Variants in PRIM2 observed in about 807,000 individuals in gnomAD.
PRIM2 encodes DNA primase subunit 2.
PRIM2 carries 39 observed loss-of-function variants against 67.3 expected under a neutral mutation model. The ratio of observed to expected loss-of-function variants is 0.58; its 90% confidence interval spans 0.45 to 0.76. The LOEUF is 0.76. Among genes scored for constraint, PRIM2 ranks in the 30% least tolerant of loss-of-function variants. The probability of loss-of-function intolerance (pLI) is 0.00; values close to 1 mark genes in which losing one functional copy is unlikely to be tolerated. For missense variants in PRIM2, 398 were observed against 598.7 expected, an observed-to-expected ratio of 0.66 and a Z score of 3.50; for synonymous variants, 143 against 198.7, an observed-to-expected ratio of 0.72 and a Z score of 2.36.
At chr6:57,226,462 G>A in the PRIM2 span, among the ~76,000 whole-genome samples, 39 of 152,328 alleles carry the variant, frequency 2.6e-4, no homozygotes, top group African/African-American at 8.9e-4. Context: ...AATTGAAAGG[G>A]AGCCAGTGTG....
the PRIM2 span, among the ~76,000 whole-genome samples, chr6:57,301,427 C>T: frequency 2.0e-5 from 3 of 152,236 alleles, no homozygotes; most frequent in South Asian, 2.1e-4. Context: ...GCGGAGGTTG[C>T]GGTGAGCCAA....
chr6:57,528,138 T>C (rs1774802191), intron 8 of PRIM2, among the ~76,000 whole-genome samples: 2 of 151,718 alleles, frequency 1.3e-5, no homozygotes, highest in African/African-American at 4.8e-5. Flanking sequence ...TAATTTTTTT[T>C]TTTTTTTTTA....
intron 5 of PRIM2, among the ~76,000 whole-genome samples, chr6:57,371,939 G>A (rs1411802577): frequency 6.6e-6 from 1 of 152,240 alleles, no homozygotes; most frequent in Non-Finnish European, 1.5e-5. Context: ...AGTCAATTAA[G>A]TAGAAAAGTT....
chr6:57,289,133 A>G, the PRIM2 span, among the ~76,000 whole-genome samples: 3 of 152,220 alleles, frequency 2.0e-5, no homozygotes, highest in Admixed American at 1.3e-4. Context: ...GCTGAAAACC[A>G]CAGCACGAGA....
chr6:57,431,855 T>G (rs1360275581), intron 7 of PRIM2, among the ~76,000 whole-genome samples: 1 of 152,168 alleles, frequency 6.6e-6, no homozygotes, highest in Admixed American at 6.6e-5. Flanking sequence ...TGTTTCATTC[T>G]TATGAGATTC....
chr6:57,491,328 G>T (rs1554345949), intron 7 of PRIM2, among the ~76,000 whole-genome samples: 4 of 152,136 alleles, frequency 2.6e-5, no homozygotes, highest in African/African-American at 4.8e-5. Flanking sequence ...ACTTGCAAAA[G>T]AAATTTATGA....
chr6:57,361,772 T>G (rs1769209421), intron 5 of PRIM2, among the ~76,000 whole-genome samples: 3 of 152,160 alleles, frequency 2.0e-5, no homozygotes, highest in African/African-American at 7.2e-5. Flanking sequence ...TTGTGTTGTA[T>G]GTTATGGAAG....
At chr6:57,330,072 T>C (rs958776063) in intron 5 of PRIM2, among the ~76,000 whole-genome samples, 4 of 152,222 alleles carry the variant, frequency 2.6e-5, no homozygotes, top group Admixed American at 1.3e-4. Flanking sequence ...TGGGATTACA[T>C]TGAATCTGTA....
rs1769100859 is a variant in PRIM2 at position 57,358,444 on chromosome 6, A to G, written c.460-21457A>G. Among the ~76,000 whole-genome samples the G allele has an allele frequency of 2.6e-5, 4 of 152,280 alleles. No individual in the cohort carries two copies. In the South Asian group the frequency reaches 6.2e-4, roughly 24 times the overall value. On this transcript the variant is annotated intron_variant, in intron 5 of 13. Coordinates refer to ENST00000615550, the MANE Select transcript of PRIM2 (RefSeq NM_000947.5). ...GTGTGTGGTGTATCTCTAAAGTTCA[A>G]AATCCTTCAAGAAGGTTGCTGGTGT...
the PRIM2 span, among the ~76,000 whole-genome samples, chr6:57,242,995 C>T: frequency 1.3e-5 from 2 of 152,294 alleles, no homozygotes; most frequent in Admixed American, 6.5e-5. Context: ...TTCTCCAATT[C>T]GATATCAACT....
intron 5 of PRIM2, among the ~76,000 whole-genome samples, chr6:57,337,155 G>A (rs1768282185): frequency 6.6e-6 from 1 of 152,156 alleles, no homozygotes. Flanking sequence ...AATAAGAAGA[G>A]CTAACTATCC....
upstream of PRIM2, among the ~76,000 whole-genome samples, chr6:57,311,040 A>C (rs1391020519): frequency 8.7e-5 from 12 of 137,190 alleles, no homozygotes; most frequent in Admixed American, 8.9e-4. Context: ...GACACCCGTC[A>C]CCTCCCAGAC....
intron 13 of PRIM2, among the ~76,000 whole-genome samples, chr6:57,639,224 A>C (rs1386926945): frequency 6.6e-6 from 1 of 152,208 alleles, no homozygotes; most frequent in African/African-American, 2.4e-5. Context: ...GACACAACGT[A>C]CCAGAATCTC....
chr6:57,520,740 A>G (rs1774595311), intron 8 of PRIM2, among the ~76,000 whole-genome samples: 1 of 152,248 alleles, frequency 6.6e-6, no homozygotes, highest in Admixed American at 6.5e-5. Flanking sequence ...TTTTATAGAA[A>G]AATGAGATGC....
the PRIM2 span, among the ~76,000 whole-genome samples, chr6:57,307,530 G>A: frequency 5.3e-5 from 8 of 152,114 alleles, no homozygotes; most frequent in Non-Finnish European, 7.3e-5. Context: ...GAGCCACTGC[G>A]CCTGGCCAAG....
At chr6:57,308,435 T>G in the PRIM2 span, among the ~76,000 whole-genome samples, 3 of 152,202 alleles carry the variant, frequency 2.0e-5, no homozygotes, top group Admixed American at 6.5e-5. Flanking sequence ...GTTTATCCAT[T>G]TCTGATGATG....
the PRIM2 span, among the ~76,000 whole-genome samples, chr6:57,233,609 C>T: frequency 8.4e-5 from 11 of 131,400 alleles, no homozygotes; most frequent in Admixed American, 6.1e-4. Context: ...CCCCTCCCTC[C>T]CTCCCTCCCT....
intron 7 of PRIM2, among the ~76,000 whole-genome samples, chr6:57,434,525 G>C (rs1771947985): frequency 6.6e-6 from 1 of 152,056 alleles, no homozygotes; most frequent in Non-Finnish European, 1.5e-5. Flanking sequence ...TGAGGTATCA[G>C]AATTGAAAAC....
intron 10 of PRIM2, among the ~76,000 whole-genome samples, chr6:57,542,938 G>GTTTTTTT (rs1581980392): frequency 3.5e-5 from 2 of 56,886 alleles, no homozygotes; most frequent in Non-Finnish European, 6.6e-5. Context: ...CTGCTTATAG[G>GTTTTTTT]ATTTTTTTTT....
Sources: gnomAD v4.1 joint callset for allele counts (sites outside exome capture counted in the v4.1 genomes callset) on GRCh38, gnomAD v4.1.1 for gene constraint, MANE v1.5 for transcripts, NCBI Gene and HGNC (gene_info 2026-07-23, HGNC 2026-07-21) for gene names.